RPS7: variants seen among roughly 807,000 people sequenced by gnomAD.
The protein encoded by RPS7 is ribosomal protein S7.
In RPS7, 1 loss-of-function variant was observed where a neutral mutation model predicts 22.1. The ratio of observed to expected loss-of-function variants is 0.05; its 90% CI spans 0.02 to 0.21. The LOEUF (loss-of-function observed/expected upper bound fraction) is 0.21, where lower values mean the gene tolerates loss of function less well. RPS7 is among the 10% of genes least tolerant of loss of function. RPS7 has a pLI of 1.00. For missense variants in RPS7, 137 were observed against 246.4 expected (o/e 0.56, Z 2.97); for synonymous variants, 80 against 92.0 (o/e 0.87, Z 0.74).
chr2:3,578,537 C>T (rs111814709), intron 5 of RPS7: 18 of 151,784 alleles, frequency 1.2e-4, no homozygotes, highest in African/African-American at 4.1e-4. Context: ...TTTTTTAACT[C>T]GGTCTTGTTC....
rs1435127429 is a variant in RPS7 at position 3,575,853 on chromosome 2, G to T, written c.112G>T (p.Ala38Ser). The change falls in exon 3 of 7, where the codon GCT becomes TCT. Residue 38 changes from alanine (A) to serine (S), a missense_variant. Ala to Ser is a moderately conservative substitution (Grantham distance 99). Around this residue, in one of 2 missense-constraint regions of RPS7, gnomAD observed 63 missense variants for 75.0 expected, o/e 0.84. Transcript: ENST00000645674. ...LELEMNSDLKAQLRELNITAA... is the reference protein window; with the variant it reads ...LELEMNSDLKSQLRELNITAA... Reference sequence around the variant, plus strand: ...GCTGGAGATGAACTCGGACCTCAAGGCTCAGCTCAGGGAGCTGAATATTAC... The same window carrying T: ...GCTGGAGATGAACTCGGACCTCAAGTCTCAGCTCAGGGAGCTGAATATTAC... 1 of 1,611,846 alleles carries T rather than the reference G, an allele frequency of 6.2e-7. No homozygotes were observed. Among genetic ancestry groups the T allele is most frequent in the East Asian group, 2.2e-5 (1 of 44,862 alleles).
chr2:3,580,188 C>T lies in RPS7; in HGVS notation c.435C>T (p.Arg145=), dbSNP rs142207795. 1.7e-4 allele frequency: 267 copies of T among 1,613,272 alleles called. 2 individuals carry two copies. The East Asian group carries it at 4.9e-3, about 30-fold the overall frequency. ...GCGAAATTGTGGGCAAGAGAATCCG[C>T]GTCAAACTAGATGGCAGCCGGCTCA... ...FPSEIVGKRI[R]VKLDGSRLIK... The change falls in exon 6 of 7, where the codon CGC becomes CGT. Residue 145 remains arginine (R), a synonymous_variant. Coordinates refer to ENST00000645674, the MANE Select transcript of RPS7 (RefSeq NM_001011.4).
intron 6 of RPS7, 28 bp downstream of exon 6, chr2:3,580,288 A>C: frequency 6.2e-7 from 1 of 1,608,936 alleles, no homozygotes; most frequent in Non-Finnish European, 8.5e-7. Context: ...TATCATGGAA[A>C]GGTTCAGCCA....
intron 5 of RPS7, chr2:3,579,744 T>TA: frequency 2.9e-6 from 1 of 341,662 alleles, no homozygotes; most frequent in South Asian, 2.8e-5. Context: ...GCAAGAGTGT[T>TA]AAAGGTTATT....
intron 2 of RPS7, 62 bp from the exon 3 acceptor site, chr2:3,575,755 T>G: frequency 6.3e-7 from 1 of 1,588,112 alleles, no homozygotes; most frequent in Non-Finnish European, 8.6e-7. Flanking sequence ...GCCGCGCGTG[T>G]GTTGGGCCCG....
chr2:3,577,579 G>C (rs1661310046), intron 4 of RPS7, 131 bp from the exon 5 acceptor site: 1 of 698,116 alleles, frequency 1.4e-6, no homozygotes, highest in South Asian at 1.6e-5. Context: ...GTTCGTCTAA[G>C]TTGTTTAGCC....
intron 5 of RPS7, chr2:3,578,082 C>T (rs1424349912): frequency 3.1e-6 from 1 of 321,588 alleles, no homozygotes; most frequent in Non-Finnish European, 5.8e-6. Flanking sequence ...ATATAGCATG[C>T]TAGACACAGT....
rs148515556 is a variant in RPS7, at chr2:3,577,576, T to TA, written c.292-132dup. The TA allele has an allele frequency of 1.2e-3, 863 of 691,252 alleles. 6 individuals carry two copies. The African/African-American group carries it at 0.014, about 11-fold the overall frequency. The allele number at this position is 691,252 out of a possible 1,614,324, so 42.8% of individuals were successfully genotyped here. A position where few individuals can be genotyped will look rare whatever the true frequency, so the allele number is the denominator to read the frequency against. ...GGGTTTGCTCAGTCAATTGTTCGTC[T>TA]AAGTTGTTTAGCCTTCTCGAACTTT... On this transcript the variant is annotated intron_variant, in intron 4 of 6. Transcript: ENST00000645674.
In RPS7 at chr2:3,576,241, G is replaced by A. The variant is rs1026002091; in HGVS notation, c.148-246G>A. The A allele has an allele frequency of 5.5e-5, 33 of 601,118 alleles. No homozygotes were observed. The South Asian group carries it at 6.2e-4, about 11-fold the overall frequency. The allele number at this position is 601,118 out of a possible 1,614,324, so 37.2% of individuals were successfully genotyped here. On this transcript the variant is annotated intron_variant, in intron 3 of 6. Transcript: ENST00000645674. ...CCCTTAGCCCGGAGTTGCCGCAAGT[G>A]GGGGTGCAGAAGTGGTAGTGATTGG...
At chr2:3,575,760 G>T (rs1661260986) in intron 2 of RPS7, 57 bp from the exon 3 acceptor site, 2 of 1,594,782 alleles carry the variant, frequency 1.3e-6, no homozygotes. Context: ...GCGTGTGTTG[G>T]GCCCGGGGTG....
chr2:3,576,761 T>C, intron 4 of RPS7, 131 bp downstream of exon 4: 2 of 1,189,396 alleles, frequency 1.7e-6, no homozygotes, highest in South Asian at 2.4e-5. Context: ...AAAGATAAAG[T>C]ACAGGCAGAG....
At chr2:3,576,951 C>CA (rs1661293935) in intron 4 of RPS7, 3 of 371,562 alleles carry the variant, frequency 8.1e-6, no homozygotes, top group Non-Finnish European at 1.5e-5. Context: ...TGTAAAGTGA[C>CA]AGACTGCTGT....
At chr2:3,580,025 T>G in intron 5 of RPS7, 85 bp from the exon 6 acceptor site, 1 of 1,277,042 alleles carries the variant, frequency 7.8e-7, no homozygotes, top group South Asian at 1.2e-5. Context: ...ATTTGCATTT[T>G]CATTTTGACT....
intron 6 of RPS7, 84 bp downstream of exon 6, chr2:3,580,344 A>G: frequency 1.7e-6 from 2 of 1,202,102 alleles, no homozygotes; most frequent in Non-Finnish European, 2.5e-6. Context: ...GCGCCACCAT[A>G]GCAATGACTG....
At chr2:3,575,940 G>A in intron 3 of RPS7, 52 bp downstream of exon 3, 3 of 1,316,524 alleles carry the variant, frequency 2.3e-6, no homozygotes, top group Non-Finnish European at 3.2e-6. Context: ...GTCTCCCCGC[G>A]CAGTGCCTGA....
chr2:3,576,046 C>A, intron 3 of RPS7, 158 bp downstream of exon 3: 1 of 684,300 alleles, frequency 1.5e-6, no homozygotes. Context: ...TGATACCGCC[C>A]AGGTGCGGGG....
chr2:3,580,569 A>G, intron 6 of RPS7: 3 of 621,176 alleles, frequency 4.8e-6, no homozygotes, highest in Non-Finnish European at 2.8e-6. Context: ...GGGGGACATA[A>G]CCATGTGGGT....
chr2:3,576,756 T>G, intron 4 of RPS7, 126 bp downstream of exon 4: 1 of 1,211,224 alleles, frequency 8.3e-7, no homozygotes, highest in Non-Finnish European at 1.2e-6. Context: ...GGTAGAAAGA[T>G]AAAGTACAGG....
chr2:3,576,459 C>G (rs747175399), intron 3 of RPS7, 28 bp from the exon 4 acceptor site: 33 of 1,607,554 alleles, frequency 2.1e-5, no homozygotes, highest in Non-Finnish European at 1.7e-6. Context: ...AAGCAGTTAA[C>G]ACAGTGGATT....
Sources: gnomAD v4.1 joint callset for allele counts on GRCh38, gnomAD v4.1.1 for gene constraint, gnomAD v4.1.1 regional missense constraint, MANE v1.5 for transcripts, NCBI Gene and HGNC (gene_info 2026-07-23, HGNC 2026-07-21) for gene names.